The following CCNL1 variants were observed in gnomAD, a reference collection of about 807,000 sequenced individuals.
CCNL1 encodes cyclin L1.
Under a neutral mutation model 60.6 loss-of-function variants are expected in CCNL1, and 13 were observed. The observed-to-expected ratio is 0.21, with a 90% CI of 0.14 to 0.34. The LOEUF is 0.34. Ranked by LOEUF, CCNL1 falls within the 10% of genes least tolerant of loss-of-function variation. CCNL1 has a pLI of 1.00. For missense variants in CCNL1, 481 were observed against 664.3 expected (o/e 0.72, Z 3.03); for synonymous variants, 270 against 244.3 (o/e 1.10, Z -0.98).
At chr3:157,150,835 T>TC (rs1738133174) in intron 5 of CCNL1, 2 of 987,162 alleles carry the variant, frequency 2.0e-6, no homozygotes, top group Admixed American at 1.2e-4. Context: ...TTAACAGGGG[T>TC]AAAAAGGCAT....
chr3:157,145,832 A>G (rs1426313504), downstream of CCNL1, among the ~76,000 whole-genome samples: 1 of 152,222 alleles, frequency 6.6e-6, no homozygotes, highest in Non-Finnish European at 1.5e-5. Flanking sequence ...CAATGAACAA[A>G]CCCAGGAGAC....
chr3:157,148,548 C>T lies in CCNL1; in HGVS notation c.1274G>A (p.Arg425Lys), dbSNP rs1737914890. ...RRSRSGTYSS[R>K]SRSRSRSHSE... ...GTGACTGCGGGACCTGCTTCTTGAT[C>T]TCGAGCTGTATGTTCCAGATCGACT... Residue 425 changes from arginine to lysine, a missense_variant, in exon 11 of 11, where the codon AGA (arginine) becomes AAA (lysine). This residue lies in a region of CCNL1 where 197 missense variants were observed against 233.9 expected (regional missense o/e 0.84). Coordinates refer to ENST00000295926, the MANE Select transcript of CCNL1 (RefSeq NM_020307.4). The T allele has an allele frequency of 1.4e-5, 22 of 1,614,020 alleles. No individual in the cohort carries two copies. The highest frequency in any genetic ancestry group is 1.9e-5 in the Non-Finnish European group (22 of 1,179,986).
intron 5 of CCNL1, chr3:157,151,355 G>C (rs1577071385): frequency 3.0e-6 from 3 of 985,702 alleles, no homozygotes; most frequent in South Asian, 4.7e-5. Flanking sequence ...TCCTTGGCTT[G>C]ACCTTTAAAT....
chr3:157,152,031 T>C (rs2108119875), intron 5 of CCNL1, 146 bp downstream of exon 5: 7 of 1,469,110 alleles, frequency 4.8e-6, no homozygotes, highest in South Asian at 1.4e-5. Context: ...AAGCATTATT[T>C]ACCTTTTGGT....
downstream of CCNL1, chr3:157,146,445 CACAA>C (rs142374780): frequency 1.3e-3 from 537 of 419,054 alleles, 4 homozygotes; most frequent in African/African-American, 9.8e-3. Flanking sequence ...TCCCCATCTT[CACAA>C]ACAACCCTCA....
At chr3:157,153,921 G>T (rs913229588) in intron 3 of CCNL1, 2 of 152,078 alleles carry the variant, frequency 1.3e-5, no homozygotes, top group Admixed American at 1.3e-4. Flanking sequence ...AACTCCACGT[G>T]ACCCATGAGA....
At chr3:157,146,351 A>T (rs1488342819), downstream of CCNL1, among the ~76,000 whole-genome samples, 1 of 152,190 alleles carries the variant, frequency 6.6e-6, no homozygotes, top group Non-Finnish European at 1.5e-5. Context: ...CCTGAAAAAG[A>T]TCTTTGCCTA....
intron 3 of CCNL1, 49 bp downstream of exon 3, chr3:157,158,817 A>C: frequency 8.5e-7 from 1 of 1,174,544 alleles, no homozygotes; most frequent in Non-Finnish European, 1.3e-6. Context: ...TGACTGGTGC[A>C]CGGTACAGCA....
At chr3:157,143,575 G>A (rs1035928401), downstream of CCNL1, among the ~76,000 whole-genome samples, 1 of 152,086 alleles carries the variant, frequency 6.6e-6, no homozygotes, top group Non-Finnish European at 1.5e-5. Context: ...CCTCCCTTAC[G>A]AGCTTACATT....
chr3:157,156,714 A>G (rs1381563275), intron 3 of CCNL1, among the ~76,000 whole-genome samples: 3 of 152,218 alleles, frequency 2.0e-5, no homozygotes, highest in Admixed American at 1.3e-4. Flanking sequence ...TCAAAGTCAC[A>G]CTACAATTTA....
In CCNL1 at chr3:157,148,193, G is replaced by A. The variant is rs1737878747; in HGVS notation, c.*48C>T. On this transcript the variant is annotated 3_prime_UTR_variant, in exon 11 of 11. Coordinates refer to ENST00000295926, the MANE Select transcript of CCNL1 (RefSeq NM_020307.4). ...TTTGATTGAGTCCATACATCACACTGTAGATAGGCAAAACCAAGAACTGAT... is the reference window on the plus strand; with the variant it reads ...TTTGATTGAGTCCATACATCACACTATAGATAGGCAAAACCAAGAACTGAT... 1 of 1,577,564 alleles carries A rather than the reference G, an allele frequency of 6.3e-7. No homozygotes were observed. Among genetic ancestry groups the A allele is most frequent in the Non-Finnish European group, 8.6e-7 (1 of 1,163,262 alleles).
At chr3:157,156,210 C>T (rs1442357905) in intron 3 of CCNL1, among the ~76,000 whole-genome samples, 1 of 152,168 alleles carries the variant, frequency 6.6e-6, no homozygotes, top group East Asian at 1.9e-4. Flanking sequence ...AAGCAATATA[C>T]AAAAATTTGT....
At chr3:157,150,474 TTTC>T in intron 5 of CCNL1, 93 bp from the exon 6 acceptor site, 1 of 1,490,566 alleles carries the variant, frequency 6.7e-7, no homozygotes, top group Non-Finnish European at 9.0e-7. Context: ...TTTATTCTTT[TTTC>T]TTCTCTTATT....
chr3:157,154,776 T>A (rs1315780992), intron 3 of CCNL1: 2 of 152,104 alleles, frequency 1.3e-5, no homozygotes, highest in Non-Finnish European at 2.9e-5. Flanking sequence ...CTCACACCTA[T>A]GAGGAATGAG....
chr3:157,159,364 C>T, intron 2 of CCNL1, 41 bp downstream of exon 2: 1 of 1,593,312 alleles, frequency 6.3e-7, no homozygotes, highest in Non-Finnish European at 8.6e-7. Flanking sequence ...TGCCCATTTC[C>T]GGATGAAGAA....
chr3:157,151,834 G>T, intron 5 of CCNL1: 1 of 1,155,638 alleles, frequency 8.7e-7, no homozygotes, highest in Non-Finnish European at 1.1e-6. Flanking sequence ...AGCTTGCACT[G>T]GATTGGCTGG....
Position 157,160,116 on chromosome 3 carries a change from A to G in CCNL1, c.-22T>C. ...CCATAGTCTTAGCGAGCCGCACGCA[A>G]GCCCAACGCAGCCGGAACCCGAAAC... On this transcript the variant is annotated 5_prime_UTR_variant, in exon 1 of 11. Coordinates refer to ENST00000295926, the MANE Select transcript of CCNL1 (RefSeq NM_020307.4). 6.5e-7 allele frequency: 1 copy of G among 1,529,718 alleles called. No homozygotes were observed. The highest frequency in any genetic ancestry group is 8.8e-7 in the Non-Finnish European group (1 of 1,135,868). The allele number at this position is 1,529,718 out of a possible 1,614,324, so 94.8% of individuals were successfully genotyped here.
At chr3:157,152,936 C>T in intron 4 of CCNL1, 100 bp downstream of exon 4, 1 of 1,534,018 alleles carries the variant, frequency 6.5e-7, no homozygotes, top group Non-Finnish European at 8.7e-7. Flanking sequence ...CTTTTTAAAA[C>T]CAAGGTTAAC....
chr3:157,150,134 A>G lies in CCNL1; in HGVS notation c.810T>C (p.Leu270=), dbSNP rs750326281. 6.2e-7 allele frequency: 1 copy of G among 1,613,200 alleles called. No homozygotes were observed. Among genetic ancestry groups the G allele is most frequent in the South Asian group, 1.1e-5 (1 of 90,922 alleles). ...GGATTTCCTCTTCTGTAGTACCAAA[A>G]AGAAGAAACCAATGGGGACGAGTTG... ...PLPTRPHWFL[L]FGTTEEEIQE... Residue 270 remains leucine, a synonymous_variant, in exon 7 of 11, where the codon CTT becomes CTC. Transcript: ENST00000295926.
Sources: allele counts gnomAD v4.1 joint callset (sites outside exome capture counted in the v4.1 genomes callset), GRCh38; gene constraint gnomAD v4.1.1; regional missense constraint gnomAD v4.1.1; transcripts MANE v1.5; gene names NCBI Gene and HGNC (gene_info 2026-07-23, HGNC 2026-07-21).